TEX36: variants seen among roughly 807,000 people sequenced by gnomAD.
TEX36 encodes testis-expressed protein 36.
TEX36 carries 12 observed loss-of-function variants against 13.6 expected under a neutral mutation model. The ratio of observed to expected loss-of-function variants is 0.88; its 90% CI spans 0.56 to 1.43. The LOEUF is 1.43. TEX36 is among the 40% of genes most tolerant of loss of function. The pLI is 0.00. For synonymous variants in TEX36, 93 were observed against 83.0 expected (o/e 1.12, Z -0.65); for missense variants, 224 against 228.3 (o/e 0.98, Z 0.12).
At chr10:125,662,747 C>A (rs899347970) in intron 1 of TEX36, among the ~76,000 whole-genome samples, 2 of 152,082 alleles carry the variant, frequency 1.3e-5, no homozygotes, top group African/African-American at 4.8e-5. Flanking sequence ...TCCTGAGCTA[C>A]CCCCAGAAGA....
chr10:125,604,798 G>A (rs984077791), intron 3 of TEX36, among the ~76,000 whole-genome samples: 4 of 151,842 alleles, frequency 2.6e-5, no homozygotes, highest in African/African-American at 4.8e-5. Flanking sequence ...GAGACAGAGC[G>A]AGACTCTCTC....
intron 3 of TEX36, among the ~76,000 whole-genome samples, chr10:125,588,196 A>T (rs1845980914): frequency 6.6e-6 from 1 of 152,240 alleles, no homozygotes; most frequent in Admixed American, 6.5e-5. Context: ...AGAACTCTCC[A>T]TAGAGGTTGT....
At chr10:125,635,486 T>G (rs1288996368) in intron 3 of TEX36, among the ~76,000 whole-genome samples, 1 of 152,206 alleles carries the variant, frequency 6.6e-6, no homozygotes, top group African/African-American at 2.4e-5. Flanking sequence ...AGACCAGCCT[T>G]GACAACTGTC....
intron 3 of TEX36, among the ~76,000 whole-genome samples, chr10:125,586,397 G>C (rs1845949619): frequency 6.6e-6 from 1 of 152,044 alleles, no homozygotes; most frequent in South Asian, 2.1e-4. Context: ...TACATTTCTT[G>C]TTAAATTTAT....
chr10:125,609,421 A>G (rs1056851148), intron 3 of TEX36, among the ~76,000 whole-genome samples: 4 of 152,184 alleles, frequency 2.6e-5, no homozygotes, highest in African/African-American at 9.7e-5. Flanking sequence ...TATATTTCCC[A>G]AGCTCAACTG....
chr10:125,588,324 G>C (rs1203493150), intron 3 of TEX36, among the ~76,000 whole-genome samples: 1 of 152,186 alleles, frequency 6.6e-6, no homozygotes, highest in African/African-American at 2.4e-5. Context: ...TCTTAGTGTA[G>C]TTGTCATTTG....
chr10:125,624,594 T>G (rs1846464662), intron 3 of TEX36, among the ~76,000 whole-genome samples: 1 of 151,768 alleles, frequency 6.6e-6, no homozygotes. Flanking sequence ...CCACCAAGCT[T>G]GTTCTGGTGA....
intron 1 of TEX36, among the ~76,000 whole-genome samples, chr10:125,662,422 AG>A (rs1847059917): frequency 6.6e-6 from 1 of 152,172 alleles, no homozygotes; most frequent in Non-Finnish European, 1.5e-5. Flanking sequence ...GACCACGGGA[AG>A]GGGAGGAACA....
intron 3 of TEX36, among the ~76,000 whole-genome samples, chr10:125,599,190 C>T (rs1846115754): frequency 6.6e-6 from 1 of 152,084 alleles, no homozygotes; most frequent in Admixed American, 6.5e-5. Flanking sequence ...AGAAAAACAC[C>T]TATAATCCTA....
chr10:125,577,665 C>T (rs577831869), intron 3 of TEX36, among the ~76,000 whole-genome samples: 17 of 152,288 alleles, frequency 1.1e-4, no homozygotes, highest in East Asian at 1.9e-4. Flanking sequence ...TCTCCAGGCA[C>T]GTGTACGTGT....
intron 3 of TEX36, among the ~76,000 whole-genome samples, chr10:125,615,607 C>T (rs1846347175): frequency 6.6e-6 from 1 of 151,114 alleles, no homozygotes; most frequent in Non-Finnish European, 1.5e-5. Flanking sequence ...GTATATTGAA[C>T]CAGCCTTGCA....
chr10:125,652,319 C>T (rs1342647789), downstream of TEX36, among the ~76,000 whole-genome samples: 4 of 152,054 alleles, frequency 2.6e-5, no homozygotes, highest in African/African-American at 4.8e-5. Flanking sequence ...ACAGAGCCCT[C>T]GGAAATAATA....
intron 3 of TEX36, among the ~76,000 whole-genome samples, chr10:125,579,459 C>T (rs1845860623): frequency 6.6e-6 from 1 of 152,206 alleles, no homozygotes; most frequent in Non-Finnish European, 1.5e-5. Flanking sequence ...CCTCACCCAA[C>T]ACGTGGGGAT....
intron 3 of TEX36, among the ~76,000 whole-genome samples, chr10:125,597,003 T>C (rs181430148): frequency 1.7e-3 from 254 of 152,330 alleles, no homozygotes; most frequent in Admixed American, 3.1e-3. Context: ...AGATGCCCTT[T>C]GCAACATTGC....
At chr10:125,576,836 G>A (rs556604892) in exon 4 of TEX36, 12 of 1,535,966 alleles carry the variant, frequency 7.8e-6, no homozygotes, top group African/African-American at 1.4e-5. Context: ...CTTGTCTCTT[G>A]TCTGGTTCTC....
intron 3 of TEX36, among the ~76,000 whole-genome samples, chr10:125,627,577 TC>T (rs1170164039): frequency 1.3e-5 from 2 of 151,718 alleles, no homozygotes; most frequent in South Asian, 2.2e-4. Flanking sequence ...ACAATCCTGA[TC>T]TTTTTTATCT....
intron 3 of TEX36, among the ~76,000 whole-genome samples, chr10:125,600,249 G>A (rs1846129506): frequency 6.6e-6 from 1 of 152,168 alleles, no homozygotes; most frequent in Non-Finnish European, 1.5e-5. Context: ...TTGGCTGCGG[G>A]GATGAATCAC....
At chr10:125,605,146 C>T (rs77671377) in intron 3 of TEX36, among the ~76,000 whole-genome samples, 11,965 of 152,224 alleles carry the variant, frequency 0.079, 662 homozygotes, top group Middle Eastern at 0.12. Context: ...TGGGGCCTGT[C>T]CCCAGGCACA....
chr10:125,630,689 C>T (rs539631612), intron 3 of TEX36, among the ~76,000 whole-genome samples: 3 of 152,294 alleles, frequency 2.0e-5, no homozygotes, highest in African/African-American at 4.8e-5. Context: ...CGATGGGAAA[C>T]TAGTGTCTGT....
Sources: gnomAD v4.1 joint callset for allele counts (sites outside exome capture counted in the v4.1 genomes callset) on GRCh38, gnomAD v4.1.1 for gene constraint, MANE v1.5 for transcripts, NCBI Gene and HGNC (gene_info 2026-07-23, HGNC 2026-07-21) for gene names.